Variants in STIM1 observed in about 807,000 individuals in gnomAD.
STIM1 encodes the protein stromal interaction molecule 1.
STIM1 carries 25 observed loss-of-function variants against 74.7 expected under a neutral mutation model. That is an observed-to-expected ratio of 0.33 (90% CI 0.24 to 0.47). The LOEUF is 0.47. Ranked by LOEUF, STIM1 falls within the 20% of genes least tolerant of loss-of-function variation. STIM1 has a pLI of 1.00. For missense variants in STIM1, 728 were observed against 920.8 expected, an observed-to-expected ratio of 0.79 and a Z score of 2.71; for synonymous variants, 328 against 348.8, an observed-to-expected ratio of 0.94 and a Z score of 0.66.
At chr11:3,982,801 T>TA (rs1275285149) in intron 2 of STIM1, among the ~76,000 whole-genome samples, 1 of 152,226 alleles carries the variant, frequency 6.6e-6, no homozygotes, top group East Asian at 1.9e-4. Context: ...ATATGTTTTT[T>TA]AAAAAAGTGT....
intron 2 of STIM1, among the ~76,000 whole-genome samples, chr11:3,981,934 G>C (rs900384345): frequency 3.3e-5 from 5 of 152,156 alleles, no homozygotes; most frequent in Admixed American, 1.3e-4. Flanking sequence ...ATAGTTTCAG[G>C]TATACTTTTG....
chr11:4,075,765 T>G (rs2094433878), intron 7 of STIM1, among the ~76,000 whole-genome samples: 1 of 152,240 alleles, frequency 6.6e-6, no homozygotes, highest in African/African-American at 2.4e-5. Context: ...TTAGCTTTAT[T>G]AGAAACTGTC....
In STIM1 at chr11:4,059,363, G is replaced by T. The variant is rs1371053190; in HGVS notation, c.580G>T (p.Ala194Ser). 9 of 1,613,972 alleles carry T rather than the reference G, an allele frequency of 5.6e-6. No individual in the cohort carries two copies. The highest frequency in any genetic ancestry group is 1.3e-5 in the African/African-American group (1 of 74,900). Reference sequence around the variant, plus strand: ...TCATCGGCAGAAGCTGCAGCTGAAGGCTCTGGATACAGTGCTCTTTGGGCC... The same window carrying T: ...TCATCGGCAGAAGCTGCAGCTGAAGTCTCTGGATACAGTGCTCTTTGGGCC... Reference protein sequence around the residue: ...RSHRQKLQLKALDTVLFGPPL... With the variant: ...RSHRQKLQLKSLDTVLFGPPL... Residue 194 changes from alanine to serine, a missense_variant, in exon 5 of 13, where the codon GCT (alanine) becomes TCT (serine). Ala to Ser is a moderately conservative substitution (Grantham distance 99, BLOSUM62 1). Coordinates refer to ENST00000526596, the MANE Select transcript of STIM1 (RefSeq NM_001382567.1).
chr11:3,995,651 G>C (rs2093656596), intron 2 of STIM1, among the ~76,000 whole-genome samples: 1 of 151,804 alleles, frequency 6.6e-6, no homozygotes, highest in Non-Finnish European at 1.5e-5. Flanking sequence ...GTTCTTTTTT[G>C]GTTTGTTTTT....
chr11:4,058,687 T>A, intron 4 of STIM1: 9 of 624,010 alleles, frequency 1.4e-5, no homozygotes, highest in Non-Finnish European at 1.8e-5. Flanking sequence ...TCATAAAAAA[T>A]TACAGTAATT....
At chr11:3,948,882 G>A (rs535281296) in intron 1 of STIM1, among the ~76,000 whole-genome samples, 3 of 152,252 alleles carry the variant, frequency 2.0e-5, no homozygotes, top group South Asian at 4.1e-4. Context: ...GGCTAGACAC[G>A]AATGCAAATA....
chr11:3,978,610 A>G (rs559726092), intron 2 of STIM1, among the ~76,000 whole-genome samples: 6 of 151,652 alleles, frequency 4.0e-5, no homozygotes, highest in Admixed American at 1.3e-4. Flanking sequence ...AAAATACACA[A>G]ATTAGCTGGG....
chr11:3,921,481 G>C (rs966947264), intron 1 of STIM1, among the ~76,000 whole-genome samples: 5 of 152,202 alleles, frequency 3.3e-5, no homozygotes, highest in Non-Finnish European at 7.3e-5. Context: ...ACATCACCAT[G>C]ATATATTACG....
chr11:3,981,501 G>GA (rs2093505005), intron 2 of STIM1, among the ~76,000 whole-genome samples: 1 of 152,186 alleles, frequency 6.6e-6, no homozygotes, highest in African/African-American at 2.4e-5. Flanking sequence ...CGAAAACAAA[G>GA]ATACTATCTT....
chr11:3,957,840 C>T (rs983912898), intron 1 of STIM1, among the ~76,000 whole-genome samples: 6 of 152,070 alleles, frequency 3.9e-5, no homozygotes, highest in African/African-American at 1.4e-4. Flanking sequence ...GCTGAAATTA[C>T]AGGCATGAGC....
chr11:3,927,113 T>C (rs2092798601), intron 1 of STIM1, among the ~76,000 whole-genome samples: 1 of 152,246 alleles, frequency 6.6e-6, no homozygotes, highest in South Asian at 2.1e-4. Flanking sequence ...TGAATGTTAA[T>C]TTTTAGTTAA....
chr11:4,023,114 T>G (rs899840545), intron 2 of STIM1, among the ~76,000 whole-genome samples: 2 of 152,214 alleles, frequency 1.3e-5, no homozygotes, highest in African/African-American at 4.8e-5. Flanking sequence ...GTGGATTGCC[T>G]GAGCTCAAGA....
chr11:3,892,328 G>T, intron 1 of STIM1: 1 of 939,320 alleles, frequency 1.1e-6, no homozygotes, highest in Non-Finnish European at 1.7e-6. Context: ...TGGGGTGGAG[G>T]GGTGCTCTCC....
chr11:4,025,636 G>A (rs113441183), intron 3 of STIM1, among the ~76,000 whole-genome samples: 1 of 152,286 alleles, frequency 6.6e-6, no homozygotes, highest in South Asian at 2.1e-4. Flanking sequence ...AATTAAAGAT[G>A]GCAGGGAGAG....
intron 2 of STIM1, among the ~76,000 whole-genome samples, chr11:4,016,632 T>G (rs1027050098): frequency 6.6e-6 from 1 of 152,270 alleles, no homozygotes; most frequent in Non-Finnish European, 1.5e-5. Context: ...TGCTGCCTTT[T>G]GTTCAGATAT....
At chr11:4,041,212 C>T (rs983782790) in intron 3 of STIM1, among the ~76,000 whole-genome samples, 5 of 152,184 alleles carry the variant, frequency 3.3e-5, no homozygotes, top group Non-Finnish European at 7.4e-5. Flanking sequence ...CCTTATATAT[C>T]CCTGTGACCT....
intron 1 of STIM1, among the ~76,000 whole-genome samples, chr11:3,861,209 G>T (rs1040355317): frequency 8.6e-5 from 13 of 151,842 alleles, no homozygotes; most frequent in Non-Finnish European, 1.5e-4. Flanking sequence ...GAAGATTGCA[G>T]TCATGTGTGA....
At chr11:3,914,071 T>C (rs2092606172) in intron 1 of STIM1, among the ~76,000 whole-genome samples, 1 of 152,214 alleles carries the variant, frequency 6.6e-6, no homozygotes, top group South Asian at 2.1e-4. Context: ...ACCACTATTT[T>C]AAAACATTTT....
At chr11:3,916,730 G>A (rs904793645) in intron 1 of STIM1, among the ~76,000 whole-genome samples, 2 of 152,142 alleles carry the variant, frequency 1.3e-5, no homozygotes, top group African/African-American at 4.8e-5. Flanking sequence ...GGGATTACAG[G>A]TGTGAGCCAC....
Sources: gnomAD v4.1 joint callset for allele counts (sites outside exome capture counted in the v4.1 genomes callset) on GRCh38, gnomAD v4.1.1 for gene constraint, MANE v1.5 for transcripts, NCBI Gene and HGNC (gene_info 2026-07-23, HGNC 2026-07-21) for gene names.